Variants in HIVEP2 observed in about 807,000 individuals in gnomAD.
HIVEP2 encodes transcription factor HIVEP2.
In HIVEP2, 14 loss-of-function variants were observed where a neutral mutation model predicts 180.7. The observed-to-expected ratio is 0.08, with a 90% CI of 0.05 to 0.12. The LOEUF (loss-of-function observed/expected upper bound fraction) is 0.12, where lower values mean the gene tolerates loss of function less well. Among genes scored for constraint, HIVEP2 ranks in the 10% least tolerant of loss-of-function variants. The pLI, the probability that HIVEP2 is intolerant of heterozygous loss-of-function variation, is 1.00. For missense variants in HIVEP2, 2,579 were observed against 3,008.5 expected, an observed-to-expected ratio of 0.86 and a Z score of 3.34; for synonymous variants, 1,184 against 1,136.4, an observed-to-expected ratio of 1.04 and a Z score of -0.84.
chr6:142,790,411 C>G (rs576386000), intron 2 of HIVEP2, among the ~76,000 whole-genome samples: 9 of 152,222 alleles, frequency 5.9e-5, no homozygotes, highest in African/African-American at 9.6e-5. Context: ...TAAATAACTA[C>G]TTCTAGCCAA....
In HIVEP2 at chr6:142,752,423, A is replaced by G. The variant is rs1053552203; in HGVS notation, c.*684T>C. On this transcript the variant is annotated 3_prime_UTR_variant, in exon 10 of 10. Transcript: ENST00000367603. ...CAGCAAACAAGAGACAAAAAAATAT[A>G]CAAGAGTTAAGAACTGACTGATACA... 3 of 152,784 alleles carry G rather than the reference A, an allele frequency of 2.0e-5. No individual in the cohort carries two copies. Among genetic ancestry groups the G allele is most frequent in the Non-Finnish European group, 2.9e-5 (2 of 68,026 alleles). 9.5% of individuals were successfully genotyped at this position (152,784 alleles called of 1,614,324 possible). A position where few individuals can be genotyped will look rare whatever the true frequency, so the allele number is the denominator to read the frequency against.
chr6:142,877,188 T>C (rs1404443589), intron 1 of HIVEP2, among the ~76,000 whole-genome samples: 1 of 152,204 alleles, frequency 6.6e-6, no homozygotes, highest in Non-Finnish European at 1.5e-5. Flanking sequence ...GAACAACATA[T>C]AAACTAGTCT....
At chr6:142,898,836 G>T (rs1193307389) in intron 1 of HIVEP2, among the ~76,000 whole-genome samples, 1 of 152,104 alleles carries the variant, frequency 6.6e-6, no homozygotes, top group Non-Finnish European at 1.5e-5. Flanking sequence ...CAGCCACTAA[G>T]TACTGTGTGC....
intron 1 of HIVEP2, among the ~76,000 whole-genome samples, chr6:142,886,599 C>T (rs1399893002): frequency 2.0e-5 from 3 of 152,168 alleles, no homozygotes; most frequent in Admixed American, 1.3e-4. Context: ...TGAACACTTC[C>T]GACTTGCAAC....
chr6:142,754,942 T>C (rs1775026494), intron 9 of HIVEP2, among the ~76,000 whole-genome samples: 1 of 152,230 alleles, frequency 6.6e-6, no homozygotes, highest in African/African-American at 2.4e-5. Flanking sequence ...TGTGATTCAT[T>C]CTTTAATGGA....
In HIVEP2 at chr6:142,945,021, C is replaced by T. The variant is rs1308150641; in HGVS notation, c.-641+78G>A. 2.0e-5 allele frequency: 3 copies of T among 147,562 alleles called. No homozygotes were observed. Among genetic ancestry groups the T allele is most frequent in the Non-Finnish European group, 3.0e-5 (2 of 66,374 alleles). 9.1% of individuals were successfully genotyped at this position (147,562 alleles called of 1,614,324 possible). A position where few individuals can be genotyped will look rare whatever the true frequency, so the allele number is the denominator to read the frequency against. On this transcript the variant is annotated intron_variant, in intron 1 of 9. Coordinates refer to ENST00000367603, the MANE Select transcript of HIVEP2 (RefSeq NM_006734.4). The surrounding 1 kb of genome is among the most constrained non-coding windows in gnomAD (Gnocchi z 5.5). ...CGCCTTCGCTGCGCTCGCTCGGCCGCAGGCCGGCGGCCCGGGCCTCGCGCC... is the reference window on the plus strand; with the variant it reads ...CGCCTTCGCTGCGCTCGCTCGGCCGTAGGCCGGCGGCCCGGGCCTCGCGCC...
intron 1 of HIVEP2, among the ~76,000 whole-genome samples, chr6:142,880,559 C>A (rs1160708492): frequency 6.6e-6 from 1 of 152,142 alleles, no homozygotes; most frequent in Admixed American, 6.6e-5. Flanking sequence ...GAGCTTTATA[C>A]CTTTAAAGGC....
At chr6:142,837,936 C>T (rs1775265750) in intron 1 of HIVEP2, among the ~76,000 whole-genome samples, 1 of 151,986 alleles carries the variant, frequency 6.6e-6, no homozygotes, top group East Asian at 1.9e-4. Flanking sequence ...ACATCAAACA[C>T]AATCATATTC....
intron 2 of HIVEP2, among the ~76,000 whole-genome samples, chr6:142,825,841 G>A (rs992453478): frequency 3.3e-5 from 5 of 151,988 alleles, no homozygotes; most frequent in South Asian, 4.2e-4. Context: ...TTAATTTAAG[G>A]TGCCAACCTT....
Position 142,753,557 on chromosome 6 carries a change from G to A in HIVEP2, c.6891C>T (p.Ser2297=). 1.2e-6 allele frequency: 2 copies of A among 1,614,190 alleles called. No individual in the cohort carries two copies. The highest frequency in any genetic ancestry group is 3.3e-4 in the Middle Eastern group (2 of 6,060). The part of the protein sequence containing the change: ...PHALQSSGPP[S]TPSSPRLLMK... ...TCAACAGCCGAGGAGAGGAGGGAGT[G>A]CTAGGTGGACCAGATGACTGCAAAG... is the stretch of plus-strand genomic sequence containing the variant. Residue 2297 remains serine (S), a synonymous_variant, in exon 10 of 10, where the codon AGC becomes AGT. Transcript: ENST00000367603.
chr6:142,846,485 A>C (rs1259635654), intron 1 of HIVEP2, among the ~76,000 whole-genome samples: 1 of 152,128 alleles, frequency 6.6e-6, no homozygotes, highest in Non-Finnish European at 1.5e-5. Context: ...AAATGCAAAC[A>C]TCATTGTTCC....
intron 1 of HIVEP2, among the ~76,000 whole-genome samples, chr6:142,881,157 G>A (rs1352164689): frequency 6.6e-6 from 1 of 152,134 alleles, no homozygotes; most frequent in Non-Finnish European, 1.5e-5. Flanking sequence ...ACTATGCCAT[G>A]TGGCCTTATG....
At chr6:142,871,444 A>G (rs1776287293) in intron 1 of HIVEP2, among the ~76,000 whole-genome samples, 1 of 152,194 alleles carries the variant, frequency 6.6e-6, no homozygotes, top group South Asian at 2.1e-4. Context: ...AAAAGAACAC[A>G]TATCTTGTGA....
At chr6:142,845,737 T>C (rs1354820709) in intron 1 of HIVEP2, among the ~76,000 whole-genome samples, 1 of 152,228 alleles carries the variant, frequency 6.6e-6, no homozygotes, top group African/African-American at 2.4e-5. Flanking sequence ...CAGAGGAAGC[T>C]GTTCAACTCG....
chr6:142,810,535 G>A (rs980491124), intron 2 of HIVEP2, among the ~76,000 whole-genome samples: 3 of 152,092 alleles, frequency 2.0e-5, no homozygotes, highest in Non-Finnish European at 2.9e-5. Flanking sequence ...GGCCAGGGGG[G>A]CAAATCACTT....
chr6:142,793,673 T>TTCTTTCTTTCTTTCTTTCTC (rs1289211652), intron 2 of HIVEP2, among the ~76,000 whole-genome samples: 15 of 107,506 alleles, frequency 1.4e-4, no homozygotes, highest in African/African-American at 1.8e-4. Context: ...CTTTCTTTCT[T>TTCTTTCTTTCTTTCTTTCTC]TCTCTCTCTC....
At chr6:142,869,244 A>G (rs1032605087) in intron 1 of HIVEP2, among the ~76,000 whole-genome samples, 2 of 152,220 alleles carry the variant, frequency 1.3e-5, no homozygotes, top group African/African-American at 4.8e-5. Context: ...TTGCTTTAAA[A>G]AATAAATTAC....
Position 142,771,241 on chromosome 6 carries a change from A to T in HIVEP2, c.3498T>A (p.Ser1166=), listed in dbSNP as rs748605056. Residue 1166 remains serine, a synonymous_variant, in exon 5 of 10, where the codon TCT becomes TCA. Transcript: ENST00000367603. The surrounding 1 kb of genome is among the most constrained non-coding windows in gnomAD (Gnocchi z 5.4). ...TTGGTTGGATCAAGGGATTTCTCAA[A>T]GATTCCTGACTGTCCATGTGCATGA... is the stretch of plus-strand genomic sequence containing the variant. ...PQIMHMDSQE[S]LRNPLIQPTS... 7.4e-6 allele frequency: 12 copies of T among 1,614,004 alleles called. No individual in the cohort carries two copies. Among genetic ancestry groups the T allele is most frequent in the African/African-American group, 1.3e-5 (1 of 74,928 alleles).
intron 1 of HIVEP2, among the ~76,000 whole-genome samples, chr6:142,889,559 G>A (rs961496105): frequency 6.6e-6 from 1 of 152,166 alleles, no homozygotes; most frequent in African/African-American, 2.4e-5. Flanking sequence ...TGAAATCAAA[G>A]AAAACTGAAT....
Sources: allele counts gnomAD v4.1 joint callset (sites outside exome capture counted in the v4.1 genomes callset), GRCh38; gene constraint gnomAD v4.1.1; non-coding constraint Gnocchi (gnomAD v3.1); transcripts MANE v1.5; gene names NCBI Gene and HGNC (gene_info 2026-07-23, HGNC 2026-07-21).